The following CTNNA3 variants were observed in gnomAD, a reference collection of about 807,000 sequenced individuals.
The protein encoded by CTNNA3 is catenin alpha 3.
A neutral mutation model predicts 95.7 loss-of-function variants in CTNNA3; 76 were observed. The observed-to-expected ratio is 0.79, with a 90% confidence interval of 0.66 to 0.96. The LOEUF (loss-of-function observed/expected upper bound fraction) is 0.96. Ranked by LOEUF, CTNNA3 falls within the 40% of genes least tolerant of loss-of-function variation. The pLI is 0.00. For missense variants in CTNNA3, 1,191 were observed against 1,089.8 expected (o/e 1.09, Z -1.31); for synonymous variants, 431 against 374.4 (o/e 1.15, Z -1.74).
In CTNNA3 at chr10:67,708,192, G is replaced by A. The variant is rs116598111; in HGVS notation, c.-2+55242C>T. Among the ~76,000 whole-genome samples the A allele has an allele frequency of 2.5e-3, 385 of 152,080 alleles. 2 individuals are homozygous for A. The highest frequency in any genetic ancestry group is 8.8e-3 in the African/African-American group (366 of 41,502). ...TAATTTTCCCAAGGCACCATGCTTC[G>A]GTTTTGACAGCCCATCTTGCTGTTA... On this transcript the variant is annotated intron_variant, in intron 1 of 17. Transcript: ENST00000684154.
chr10:66,885,008 T>C (rs915494046), intron 7 of CTNNA3, among the ~76,000 whole-genome samples: 1 of 152,162 alleles, frequency 6.6e-6, no homozygotes, highest in Non-Finnish European at 1.5e-5. Flanking sequence ...TTACATAGCT[T>C]GACAGCACTG....
At chr10:66,538,263 T>C (rs992235972) in intron 10 of CTNNA3, among the ~76,000 whole-genome samples, 1 of 152,116 alleles carries the variant, frequency 6.6e-6, no homozygotes, top group Admixed American at 6.6e-5. Flanking sequence ...ATCAAAAAAA[T>C]ATTTTTGTCA....
intron 15 of CTNNA3, among the ~76,000 whole-genome samples, chr10:66,022,671 A>G (rs1369274016): frequency 6.6e-6 from 1 of 152,032 alleles, no homozygotes; most frequent in Non-Finnish European, 1.5e-5. Context: ...CTTCCTTAGC[A>G]AGAGATACAC....
At chr10:67,246,567 C>T (rs947602487) in intron 5 of CTNNA3, among the ~76,000 whole-genome samples, 5 of 152,088 alleles carry the variant, frequency 3.3e-5, no homozygotes, top group African/African-American at 9.7e-5. Context: ...CATATCACAG[C>T]GACCCCCATA....
Position 66,537,123 on chromosome 10 carries a change from C to A in CTNNA3, c.1375-16350G>T, listed in dbSNP as rs372234722. ...TTAGTTGTATATGGCAGAATTTTTT[C>A]TGTCCTCTTTCCAAATAACTCGAGT... On this transcript the variant is annotated intron_variant, in intron 10 of 17. Coordinates refer to ENST00000433211, the MANE Select transcript of CTNNA3 (RefSeq NM_013266.4). Among the ~76,000 whole-genome samples, 14 of 151,552 alleles carry A rather than the reference C, an allele frequency of 9.2e-5. No homozygotes were observed. In the East Asian group the frequency reaches 2.5e-3, roughly 27 times the overall value.
intron 7 of CTNNA3, among the ~76,000 whole-genome samples, chr10:67,070,765 G>GA (rs995511048): frequency 5.9e-5 from 9 of 151,366 alleles, no homozygotes; most frequent in East Asian, 1.9e-4. Context: ...AGAAAGAAAA[G>GA]AAAAAAAAGA....
At chr10:67,289,910 C>A (rs953657406) in intron 5 of CTNNA3, among the ~76,000 whole-genome samples, 8 of 151,994 alleles carry the variant, frequency 5.3e-5, no homozygotes, top group African/African-American at 1.9e-4. Context: ...AGGGATCTTC[C>A]CACCTCAGCC....
chr10:67,265,579 C>T (rs1378100190), intron 5 of CTNNA3, among the ~76,000 whole-genome samples: 1 of 152,106 alleles, frequency 6.6e-6, no homozygotes, highest in African/African-American at 2.4e-5. Context: ...AAAATGCCCA[C>T]ACACACCTCC....
intron 1 of CTNNA3, among the ~76,000 whole-genome samples, chr10:67,720,128 G>GTTTTTTTTTTTTTTTT: frequency 3.8e-4 from 1 of 2,660 alleles, no homozygotes; most frequent in African/African-American, 2.3e-3. Context: ...TGCAACCCCT[G>GTTTTTTTTTTTTTTTT]CTTTTTTTTT....
intron 15 of CTNNA3, among the ~76,000 whole-genome samples, chr10:66,031,738 G>T (rs2079452782): frequency 6.6e-6 from 1 of 152,112 alleles, no homozygotes; most frequent in Non-Finnish European, 1.5e-5. Flanking sequence ...GTATAATTAT[G>T]ATTATAAAAT....
chr10:66,582,524 T>TTA, intron 10 of CTNNA3, among the ~76,000 whole-genome samples: 1 of 151,822 alleles, frequency 6.6e-6, no homozygotes, highest in Non-Finnish European at 1.5e-5. Context: ...TTATCAGATC[T>TTA]AGGAGTCTTT....
At chr10:66,753,152 C>T (rs1839227218) in intron 9 of CTNNA3, among the ~76,000 whole-genome samples, 1 of 152,132 alleles carries the variant, frequency 6.6e-6, no homozygotes, top group Non-Finnish European at 1.5e-5. Context: ...CAGAGATCTA[C>T]CTATCTTGCA....
intron 2 of CTNNA3, among the ~76,000 whole-genome samples, chr10:67,642,828 C>T (rs56028955): frequency 0.086 from 13,119 of 152,094 alleles, 1,301 homozygotes; most frequent in African/African-American, 0.24. Flanking sequence ...ACAACAGATG[C>T]TGACAAGGTT....
intron 10 of CTNNA3, among the ~76,000 whole-genome samples, chr10:66,550,605 G>T (rs1201472260): frequency 6.6e-6 from 1 of 152,146 alleles, no homozygotes; most frequent in East Asian, 1.9e-4. Flanking sequence ...GAGAAAGTTT[G>T]CCAACTGCTA....
chr10:67,741,017 G>A (rs1346969992), intron 1 of CTNNA3, among the ~76,000 whole-genome samples: 2 of 151,164 alleles, frequency 1.3e-5, no homozygotes, highest in African/African-American at 4.9e-5. Context: ...TAGGGACATG[G>A]ATGAAATTGG....
intron 7 of CTNNA3, among the ~76,000 whole-genome samples, chr10:66,870,956 G>A (rs2132439345): frequency 6.6e-6 from 1 of 152,290 alleles, no homozygotes; most frequent in East Asian, 1.9e-4. Context: ...AGGGAAACCA[G>A]TTGATGCACT....
chr10:66,149,832 A>T lies in CTNNA3; in HGVS notation c.1885-46583T>A, dbSNP rs375852721. 4.6e-5 allele frequency among the ~76,000 whole-genome samples: 7 copies of T among 152,222 alleles called. No individual in the cohort carries two copies. The East Asian group carries it at 1.4e-3, about 29-fold the overall frequency. On this transcript the variant is annotated intron_variant, in intron 13 of 17. Coordinates refer to ENST00000433211, the MANE Select transcript of CTNNA3 (RefSeq NM_013266.4). ...CACTTTAAAAACAATGGAATAAACT[A>T]TCTCATTATTATAGCAAAAAAAATT... is the stretch of plus-strand genomic sequence containing the variant.
intron 9 of CTNNA3, among the ~76,000 whole-genome samples, chr10:66,631,633 A>G (rs1845138169): frequency 6.6e-6 from 1 of 152,182 alleles, no homozygotes; most frequent in South Asian, 2.1e-4. Flanking sequence ...AATAATTCTT[A>G]ATCTCAAACA....
chr10:66,115,579 TGATAGATAGATAGAGATAGAGATAG>T (rs2082305605), intron 13 of CTNNA3, among the ~76,000 whole-genome samples: 2 of 125,832 alleles, frequency 1.6e-5, no homozygotes, highest in African/African-American at 5.7e-5. Context: ...GACAGATAGA[TGATAGATAGATAGAGATAGAGATAG>T]AGATAGAGAT....
Sources: gnomAD v4.1 joint callset for allele counts (sites outside exome capture counted in the v4.1 genomes callset) on GRCh38, gnomAD v4.1.1 for gene constraint, MANE v1.5 for transcripts, NCBI Gene and HGNC (gene_info 2026-07-23, HGNC 2026-07-21) for gene names.